STK32A: variants seen among roughly 807,000 people sequenced by gnomAD.
The protein encoded by STK32A is serine/threonine-protein kinase 32A.
STK32A carries 41 observed loss-of-function variants against 53.2 expected under a neutral mutation model. That is an observed-to-expected ratio of 0.77 (90% CI 0.60 to 1.00). The LOEUF is 1.00. STK32A is among the 50% of genes least tolerant of loss of function. The pLI is 0.00. For missense variants in STK32A, 458 were observed against 485.8 expected (o/e 0.94, Z 0.54); for synonymous variants, 166 against 162.8 (o/e 1.02, Z -0.15).
intron 11 of STK32A, among the ~76,000 whole-genome samples, chr5:147,376,252 G>A (rs766088066): frequency 6.8e-4 from 104 of 152,218 alleles, no homozygotes; most frequent in African/African-American, 2.3e-3. Flanking sequence ...CTGGCTTCTC[G>A]TCAGATTCCC....
chr5:147,279,940 C>T (rs1479376424), intron 4 of STK32A, among the ~76,000 whole-genome samples: 1 of 152,152 alleles, frequency 6.6e-6, no homozygotes, highest in African/African-American at 2.4e-5. Context: ...ACTGTGAGTA[C>T]CCCAACTGTG....
chr5:147,299,683 G>C (rs1195531966), intron 4 of STK32A, among the ~76,000 whole-genome samples: 18 of 152,058 alleles, frequency 1.2e-4, no homozygotes, highest in Non-Finnish European at 7.4e-5. Flanking sequence ...TTGTTATCCG[G>C]GAGCATAGAT....
intron 11 of STK32A, 114 bp downstream of exon 11, chr5:147,375,332 A>G: frequency 2.2e-6 from 3 of 1,360,778 alleles, no homozygotes; most frequent in Non-Finnish European, 2.9e-6. Flanking sequence ...TGCTTAGTGA[A>G]ATAGGAGAAG....
At chr5:147,343,293 A>G (rs1303755995) in intron 6 of STK32A, 4 of 669,902 alleles carry the variant, frequency 6.0e-6, no homozygotes, top group Non-Finnish European at 1.1e-5. Context: ...TTCTTCCACT[A>G]CTATATTTCT....
intron 2 of STK32A, among the ~76,000 whole-genome samples, chr5:147,274,399 T>C (rs1386692230): frequency 6.6e-6 from 1 of 152,176 alleles, no homozygotes; most frequent in Non-Finnish European, 1.5e-5. Context: ...TCTGTCTTCT[T>C]AACACTCAGA....
rs150096480 is a variant in STK32A, at chr5:147,298,202, G to A, written c.260+18804G>A. 6.5e-3 allele frequency among the ~76,000 whole-genome samples: 994 copies of A among 152,272 alleles called. 4 individuals carry two copies. The highest frequency in any genetic ancestry group is 0.013 in the South Asian group (61 of 4,822). On this transcript the variant is annotated intron_variant, in intron 4 of 12. Coordinates refer to ENST00000397936, the MANE Select transcript of STK32A (RefSeq NM_001112724.2). ...CAGAAAGGGATGAGTTTAGATCACAGGAGTAGGAGGAGATGGAGCAGTTAG... is the reference window on the plus strand; with the variant it reads ...CAGAAAGGGATGAGTTTAGATCACAAGAGTAGGAGGAGATGGAGCAGTTAG...
At chr5:147,372,824 C>G (rs1353401286) in intron 9 of STK32A, among the ~76,000 whole-genome samples, 1 of 152,142 alleles carries the variant, frequency 6.6e-6, no homozygotes, top group Non-Finnish European at 1.5e-5. Context: ...TAGCCTCCCA[C>G]TAATCCTGAT....
intron 5 of STK32A, among the ~76,000 whole-genome samples, chr5:147,340,792 C>T (rs11955126): frequency 0.2 from 31,108 of 152,034 alleles, 3,700 homozygotes; most frequent in African/African-American, 0.33. Context: ...TGGTTCTTTA[C>T]GAAGCTTTCT....
At chr5:147,265,324 G>A (rs973382422) in intron 2 of STK32A, among the ~76,000 whole-genome samples, 5 of 151,898 alleles carry the variant, frequency 3.3e-5, no homozygotes, top group Admixed American at 1.3e-4. Context: ...AAATCCGAGA[G>A]GCAAAATTGT....
intron 4 of STK32A, among the ~76,000 whole-genome samples, chr5:147,304,552 C>T (rs1351360404): frequency 1.3e-5 from 2 of 152,028 alleles, no homozygotes; most frequent in Non-Finnish European, 1.5e-5. Flanking sequence ...AGACCAGGGA[C>T]TTGAAGGGAG....
intron 4 of STK32A, among the ~76,000 whole-genome samples, chr5:147,285,535 T>C (rs1561693657): frequency 6.6e-6 from 1 of 152,054 alleles, no homozygotes; most frequent in Non-Finnish European, 1.5e-5. Context: ...ATCTTCACAA[T>C]CTATACATCT....
At chr5:147,366,750 A>C (rs1182794235) in intron 8 of STK32A, among the ~76,000 whole-genome samples, 1 of 152,200 alleles carries the variant, frequency 6.6e-6, no homozygotes, top group African/African-American at 2.4e-5. Context: ...ACCCCATCTT[A>C]GCAGTTTGTT....
At chr5:147,336,993 A>G (rs1266788837) in intron 5 of STK32A, among the ~76,000 whole-genome samples, 2 of 152,146 alleles carry the variant, frequency 1.3e-5, no homozygotes, top group Non-Finnish European at 2.9e-5. Context: ...TTTCATGTAC[A>G]TGTACCGGTA....
At chr5:147,389,969 A>G (rs928344757), downstream of STK32A, among the ~76,000 whole-genome samples, 10 of 152,254 alleles carry the variant, frequency 6.6e-5, no homozygotes, top group Admixed American at 3.9e-4. Flanking sequence ...GTCAGGGTCT[A>G]GCACTTAGAT....
At chr5:147,290,518 C>T (rs1407065355) in intron 4 of STK32A, among the ~76,000 whole-genome samples, 1 of 152,150 alleles carries the variant, frequency 6.6e-6, no homozygotes, top group Non-Finnish European at 1.5e-5. Context: ...CCCAGTCTTT[C>T]CCAGCATAGT....
intron 2 of STK32A, among the ~76,000 whole-genome samples, chr5:147,266,392 A>G (rs1241498505): frequency 1.3e-5 from 2 of 152,190 alleles, no homozygotes; most frequent in South Asian, 4.1e-4. Context: ...CTAGCTCATT[A>G]AGAAGTCCTT....
At chr5:147,280,432 G>A (rs1752002529) in intron 4 of STK32A, among the ~76,000 whole-genome samples, 1 of 150,762 alleles carries the variant, frequency 6.6e-6, no homozygotes, top group Non-Finnish European at 1.5e-5. Context: ...TTGGGGATGG[G>A]GGAGGGGGGT....
chr5:147,329,439 T>C (rs1754756244), intron 5 of STK32A, among the ~76,000 whole-genome samples: 1 of 152,238 alleles, frequency 6.6e-6, no homozygotes, highest in East Asian at 1.9e-4. Context: ...TATTTGCCAG[T>C]GTTCTGAATG....
intron 4 of STK32A, among the ~76,000 whole-genome samples, chr5:147,312,463 A>G (rs1251653377): frequency 6.6e-6 from 1 of 152,212 alleles, no homozygotes. Flanking sequence ...TTTACTGCCC[A>G]AAAGAGCTAC....
Sources: gnomAD v4.1 joint callset for allele counts (sites outside exome capture counted in the v4.1 genomes callset) on GRCh38, gnomAD v4.1.1 for gene constraint, MANE v1.5 for transcripts, NCBI Gene and HGNC (gene_info 2026-07-23, HGNC 2026-07-21) for gene names.